ZNF100: variants seen among roughly 807,000 people sequenced by gnomAD.
ZNF100 encodes the protein zinc finger protein 100.
Under a neutral mutation model 15.8 loss-of-function variants are expected in ZNF100, and 12 were observed. The observed-to-expected ratio is 0.76, with a 90% CI of 0.49 to 1.23. The LOEUF is 1.23. ZNF100 is among the 50% of genes most tolerant of loss of function. ZNF100 has a pLI of 0.00. For synonymous variants in ZNF100, 226 were observed against 214.8 expected (o/e 1.05, Z -0.45); for missense variants, 670 against 635.6 (o/e 1.05, Z -0.58).
intron 2 of ZNF100, among the ~76,000 whole-genome samples, chr19:21,763,521 C>T (rs1472266115): frequency 3.3e-5 from 5 of 152,094 alleles, no homozygotes; most frequent in Non-Finnish European, 7.4e-5. Context: ...ACCTGGGAGG[C>T]AGAGGTTGCA....
chr19:21,746,439 G>A (rs1599393622), intron 2 of ZNF100, among the ~76,000 whole-genome samples: 2 of 152,150 alleles, frequency 1.3e-5, no homozygotes, highest in East Asian at 3.8e-4. Context: ...TCTGCATAGA[G>A]CTAATGGAGA....
In ZNF100 at chr19:21,725,279, A is replaced by T. The variant is rs1205327347; in HGVS notation, c.*1404T>A. On this transcript the variant is annotated 3_prime_UTR_variant, in exon 5 of 5. Coordinates refer to ENST00000358296, the MANE Select transcript of ZNF100 (RefSeq NM_173531.4). Reference sequence around the variant, plus strand: ...AATGCACAATAGTATTTAACATGTTAAAAAGGTTGAATATATTAACATCAC... The same window carrying T: ...AATGCACAATAGTATTTAACATGTTTAAAAGGTTGAATATATTAACATCAC... 5 of 152,302 alleles carry T rather than the reference A, an allele frequency of 3.3e-5. No individual in the cohort carries two copies. The highest frequency in any genetic ancestry group is 1.2e-4 in the African/African-American group (5 of 41,566). The allele number at this position is 152,302 out of a possible 1,614,324, so 9.4% of individuals were successfully genotyped here. A position where few individuals can be genotyped will look rare whatever the true frequency, so the allele number is the denominator to read the frequency against.
intron 4 of ZNF100, among the ~76,000 whole-genome samples, chr19:21,728,253 C>T (rs981485031): frequency 6.6e-6 from 1 of 151,982 alleles, no homozygotes; most frequent in Non-Finnish European, 1.5e-5. Context: ...TACATTTACC[C>T]AACAGAGCTC....
chr19:21,755,118 G>C (rs1256170577), intron 2 of ZNF100, among the ~76,000 whole-genome samples: 1 of 152,076 alleles, frequency 6.6e-6, no homozygotes, highest in Non-Finnish European at 1.5e-5. Context: ...TTCAAGACCA[G>C]CCTGGCCAAC....
chr19:21,747,321 C>T lies in ZNF100; in HGVS notation c.97-2254G>A, dbSNP rs140953298. Reference sequence around the variant, plus strand: ...AAAATAACATGGATGCTTCCACCCACAACAATAAACAGAAGCTGTGGGGAA... The same window carrying T: ...AAAATAACATGGATGCTTCCACCCATAACAATAAACAGAAGCTGTGGGGAA... On this transcript the variant is annotated intron_variant, in intron 2 of 4. Coordinates refer to ENST00000358296, the MANE Select transcript of ZNF100 (RefSeq NM_173531.4). Among the ~76,000 whole-genome samples the T allele has an allele frequency of 3.9e-5, 6 of 152,284 alleles. No individual in the cohort carries two copies. The East Asian group carries it at 1.2e-3, about 29-fold the overall frequency.
Position 21,738,248 on chromosome 19 carries a change from CAAAAAAAAAAAAAAAAAAAAAAAAAAA to C in ZNF100, c.322+5742_322+5768del, listed in dbSNP as rs769582572. On this transcript the variant is annotated intron_variant, in intron 4 of 4. Transcript: ENST00000358296. The stretch of plus-strand genomic sequence containing the variant: ...CCTGGGCGATAGAGTGACACTATGT[CAAAAAAAAAAAAAAAAAAAAAAAAAAA>C]AAAAAAAAAAAAAAACTGATGGAGA... Among the ~76,000 whole-genome samples the C allele has an allele frequency of 9.5e-4, 41 of 42,992 alleles. 1 individual carries two copies. Among genetic ancestry groups the C allele is most frequent in the African/African-American group, 3.6e-3 (39 of 10,808 alleles). The allele number at this position is 42,992 out of a possible 152,430, so 28.2% of individuals were successfully genotyped here.
intron 2 of ZNF100, among the ~76,000 whole-genome samples, chr19:21,754,981 G>A (rs2036368388): frequency 6.6e-6 from 1 of 152,162 alleles, no homozygotes; most frequent in Admixed American, 6.5e-5. Flanking sequence ...GGCAAAACAT[G>A]AACAGATACT....
intron 2 of ZNF100, among the ~76,000 whole-genome samples, chr19:21,748,205 T>C (rs2036244201): frequency 6.6e-6 from 1 of 152,232 alleles, no homozygotes; most frequent in South Asian, 2.1e-4. Context: ...TTCTTATTTA[T>C]CTGCTTTTGG....
intron 2 of ZNF100, chr19:21,751,348 A>G (rs1283957538): frequency 4.8e-6 from 4 of 829,364 alleles, no homozygotes; most frequent in Non-Finnish European, 6.5e-6. Context: ...ATGAGAGATC[A>G]CATCCCCTCA....
chr19:21,742,184 C>T (rs1328398465), intron 4 of ZNF100, among the ~76,000 whole-genome samples: 1 of 151,592 alleles, frequency 6.6e-6, no homozygotes, highest in Admixed American at 6.6e-5. Context: ...ACATTCCCAG[C>T]TACTCGGGAC....
At chr19:21,766,952 C>T (rs2036573376) in intron 1 of ZNF100, among the ~76,000 whole-genome samples, 1 of 152,056 alleles carries the variant, frequency 6.6e-6, no homozygotes. Flanking sequence ...GGAGATCGCG[C>T]CACTAAACCC....
chr19:21,759,693 A>C (rs1292591033), intron 2 of ZNF100, among the ~76,000 whole-genome samples: 4 of 152,172 alleles, frequency 2.6e-5, no homozygotes, highest in Non-Finnish European at 5.9e-5. Flanking sequence ...TCCTGTGGTC[A>C]TCCTCACTGC....
chr19:21,763,495 C>T (rs2036513245), intron 2 of ZNF100, among the ~76,000 whole-genome samples: 1 of 152,072 alleles, frequency 6.6e-6, no homozygotes, highest in African/African-American at 2.4e-5. Flanking sequence ...GAGGCTGAGG[C>T]AAAGGAATCG....
chr19:21,744,164 C>CA (rs759312400), intron 3 of ZNF100, 49 bp from the exon 4 acceptor site: 734 of 1,493,922 alleles, frequency 4.9e-4, no homozygotes, highest in Non-Finnish European at 6.3e-4. Flanking sequence ...CTCCAATTAC[C>CA]AACCTAGTAC....
chr19:21,760,508 T>A (rs1479255077), intron 2 of ZNF100, among the ~76,000 whole-genome samples: 5 of 151,320 alleles, frequency 3.3e-5, no homozygotes, highest in Non-Finnish European at 2.9e-5. Context: ...AAAAATAAAA[T>A]AAAATAATAA....
rs570886441 is a variant in ZNF100, at chr19:21,742,246, G to A, written c.322+1771C>T. Among the ~76,000 whole-genome samples the A allele has an allele frequency of 2.0e-5, 3 of 148,712 alleles. No individual in the cohort carries two copies. In the East Asian group the frequency reaches 5.9e-4, roughly 29 times the overall value. ...CAGGAGGTGGGGGTTGCAGTGAGCCGAGATTGCGCTATTGCACTCCAGCCT... is the reference window on the plus strand; with the variant it reads ...CAGGAGGTGGGGGTTGCAGTGAGCCAAGATTGCGCTATTGCACTCCAGCCT... On this transcript the variant is annotated intron_variant, in intron 4 of 4. Transcript: ENST00000358296.
rs555647415 is a variant in ZNF100 at position 21,725,466 on chromosome 19, A to G, written c.*1217T>C. The G allele has an allele frequency of 2.0e-5, 3 of 152,268 alleles. No homozygotes were observed. Among genetic ancestry groups the G allele is most frequent in the South Asian group, 4.1e-4 (2 of 4,830 alleles). 9.4% of individuals were successfully genotyped at this position (152,268 alleles called of 1,614,324 possible). A position where few individuals can be genotyped will look rare whatever the true frequency, so the allele number is the denominator to read the frequency against. ...TTGCTTAATATTATAAGTTAACCAT[A>G]AAAGTCTCTTCACTTAGATTTTCAT... is the stretch of plus-strand genomic sequence containing the variant. On this transcript the variant is annotated 3_prime_UTR_variant, in exon 5 of 5. Transcript: ENST00000358296.
chr19:21,753,719 A>T (rs769964701), intron 2 of ZNF100: 4 of 152,226 alleles, frequency 2.6e-5, no homozygotes, highest in Non-Finnish European at 4.4e-5. Flanking sequence ...TTTAAAATGA[A>T]TTACTTGCAG....
rs1207552584 is a variant in ZNF100, at chr19:21,724,395, A to G, written c.*2288T>C. On this transcript the variant is annotated 3_prime_UTR_variant, in exon 5 of 5. Coordinates refer to ENST00000358296, the MANE Select transcript of ZNF100 (RefSeq NM_173531.4). ...TTAACTATATGTAAATCAAAACTAA[A>G]TGTCTGCATGTGTTTGCAGGCAGAC... is the stretch of plus-strand genomic sequence containing the variant. The G allele has an allele frequency of 6.6e-6, 1 of 152,204 alleles. No individual in the cohort carries two copies. The highest frequency in any genetic ancestry group is 1.5e-5 in the Non-Finnish European group (1 of 68,024). The allele number at this position is 152,204 out of a possible 1,614,324, so 9.4% of individuals were successfully genotyped here.
Sources: allele counts gnomAD v4.1 joint callset (sites outside exome capture counted in the v4.1 genomes callset), GRCh38; gene constraint gnomAD v4.1.1; transcripts MANE v1.5; gene names NCBI Gene and HGNC (gene_info 2026-07-23, HGNC 2026-07-21).